CEP83: variants seen among roughly 807,000 people sequenced by gnomAD.
CEP83 encodes centrosomal protein 83, also known as centrosomal protein of 83 kDa.
In CEP83, 70 loss-of-function variants were observed where a neutral mutation model predicts 101.9. That is an observed-to-expected ratio of 0.69 (90% CI 0.57 to 0.84). CEP83 has a LOEUF of 0.84. CEP83 is among the 40% of genes least tolerant of loss of function. CEP83 has a pLI of 0.00. For missense variants in CEP83, 715 were observed against 787.2 expected, an observed-to-expected ratio of 0.91 and a Z score of 1.10; for synonymous variants, 264 against 267.9, an observed-to-expected ratio of 0.99 and a Z score of 0.14.
At position 94,402,088 on chromosome 12, in the gene CEP83, C is replaced by T. The variant is rs116403071; in HGVS notation, c.417+1082G>A. On this transcript the variant is annotated intron_variant, in intron 5 of 16. Coordinates refer to ENST00000397809, the MANE Select transcript of CEP83 (RefSeq NM_016122.3). Reference sequence around the variant, plus strand: ...AAGTATCTAATATACTTGTTATCTGCAGTCTTATCCTGTCCCCTTTATTAA... The same window carrying T: ...AAGTATCTAATATACTTGTTATCTGTAGTCTTATCCTGTCCCCTTTATTAA... 2.3e-3 allele frequency among the ~76,000 whole-genome samples: 351 copies of T among 152,296 alleles called. 1 individual carries two copies. Among genetic ancestry groups the T allele is most frequent in the African/African-American group, 8.3e-3 (343 of 41,550 alleles).
chr12:94,388,411 C>T (rs1384589635), intron 6 of CEP83, among the ~76,000 whole-genome samples: 2 of 151,934 alleles, frequency 1.3e-5, no homozygotes, highest in Non-Finnish European at 2.9e-5. Flanking sequence ...AAGATGGGAA[C>T]AATAGAACTG....
chr12:94,333,302 AG>A (rs768167934), intron 13 of CEP83, among the ~76,000 whole-genome samples, 179 bp downstream of exon 13: 11 of 152,148 alleles, frequency 7.2e-5, no homozygotes, highest in Non-Finnish European at 1.6e-4. Context: ...TTCAAGAGTC[AG>A]TATAGTTCAT....
intron 1 of CEP83, among the ~76,000 whole-genome samples, chr12:94,437,223 G>A (rs1391472937): frequency 6.6e-6 from 1 of 151,778 alleles, no homozygotes; most frequent in African/African-American, 2.4e-5. Context: ...GTGTGGGCCT[G>A]TAGTCCCAGC....
At chr12:94,337,230 T>C (rs1238160430) in intron 11 of CEP83, among the ~76,000 whole-genome samples, 1 of 152,148 alleles carries the variant, frequency 6.6e-6, no homozygotes, top group Non-Finnish European at 1.5e-5. Context: ...AAACCAATGG[T>C]AGAGTATCTG....
At chr12:94,430,191 C>T (rs1451043777) in intron 2 of CEP83, among the ~76,000 whole-genome samples, 1 of 152,060 alleles carries the variant, frequency 6.6e-6, no homozygotes, top group East Asian at 1.9e-4. Flanking sequence ...TTGGGCTCAC[C>T]CACCCAGCTA....
At chr12:94,301,585 G>C (rs1968471868), downstream of CEP83, among the ~76,000 whole-genome samples, 1 of 152,150 alleles carries the variant, frequency 6.6e-6, no homozygotes, top group African/African-American at 2.4e-5. Flanking sequence ...AAAAATCAGA[G>C]CAAACTTCGA....
At chr12:94,354,995 C>T (rs1350454691) in intron 11 of CEP83, among the ~76,000 whole-genome samples, 4 of 149,962 alleles carry the variant, frequency 2.7e-5, no homozygotes, top group South Asian at 2.1e-4. Flanking sequence ...AGTGAGACTC[C>T]GTCTCAAAAA....
chr12:94,457,035 T>C (rs1039063500), intron 1 of CEP83, among the ~76,000 whole-genome samples: 1 of 152,102 alleles, frequency 6.6e-6, no homozygotes, highest in Non-Finnish European at 1.5e-5. Flanking sequence ...TTGAACCTTA[T>C]AGAAAAGGTA....
the CEP83 span, among the ~76,000 whole-genome samples, chr12:94,271,500 G>T: frequency 6.6e-6 from 1 of 152,246 alleles, no homozygotes; most frequent in Non-Finnish European, 1.5e-5. Flanking sequence ...AAAGGGGAAT[G>T]CAGTTACATG....
chr12:94,303,694 T>C, downstream of CEP83: 1 of 135,732 alleles, frequency 7.4e-6, no homozygotes. Flanking sequence ...TTCCTCCATC[T>C]TTTTTTTTTT....
chr12:94,283,087 C>T, the CEP83 span, among the ~76,000 whole-genome samples: 1 of 152,176 alleles, frequency 6.6e-6, no homozygotes, highest in South Asian at 2.1e-4. Flanking sequence ...AGAGCTGGGG[C>T]TGCATGGGAG....
Position 94,435,120 on chromosome 12 carries a change from C to T in CEP83, c.-102+155G>A, listed in dbSNP as rs558252329. 9.8e-5 allele frequency among the ~76,000 whole-genome samples: 15 copies of T among 152,314 alleles called. No individual in the cohort carries two copies. In the South Asian group the frequency reaches 3.1e-3, roughly 32 times the overall value. ...TTTATCTGAATGACACTGAAATTTG[C>T]ACCCTAGTTCCTAACCTCTCTCTGC... On this transcript the variant is annotated intron_variant, in intron 2 of 16. Coordinates refer to ENST00000397809, the MANE Select transcript of CEP83 (RefSeq NM_016122.3).
chr12:94,395,631 G>A (rs761812888), intron 6 of CEP83, among the ~76,000 whole-genome samples: 1 of 152,116 alleles, frequency 6.6e-6, no homozygotes, highest in Non-Finnish European at 1.5e-5. Flanking sequence ...AGACCATCCT[G>A]CCTAACACAG....
the CEP83 span, among the ~76,000 whole-genome samples, chr12:94,272,889 G>A: frequency 2.0e-5 from 3 of 152,194 alleles, no homozygotes; most frequent in African/African-American, 7.2e-5. Context: ...CTACCAGATC[G>A]CCTATGTCCA....
At chr12:94,446,519 C>T (rs1308099817) in intron 1 of CEP83, among the ~76,000 whole-genome samples, 30 of 151,932 alleles carry the variant, frequency 2.0e-4, no homozygotes, top group Admixed American at 2.0e-3. Flanking sequence ...ACCATCCTGG[C>T]CAACAGGGTG....
rs908155361 is a variant in CEP83 at position 94,424,956 on chromosome 12, C to T, written c.-102+10319G>A. 5.9e-6 allele frequency: 9 copies of T among 1,527,028 alleles called. No homozygotes were observed. In the African/African-American group the frequency reaches 7.1e-5, roughly 12 times the overall value. 94.6% of individuals were successfully genotyped at this position (1,527,028 alleles called of 1,614,324 possible). On this transcript the variant is annotated intron_variant, in intron 2 of 16. Coordinates refer to ENST00000397809, the MANE Select transcript of CEP83 (RefSeq NM_016122.3). ...GTAGAAATCCCGGGCCTGGAAGTCA[C>T]GGATAGCAGCATTTTCTCTTTAATG...
At chr12:94,313,294 G>A (rs1258272846) in intron 14 of CEP83, 2 of 221,580 alleles carry the variant, frequency 9.0e-6, no homozygotes, top group Non-Finnish European at 1.8e-5. Context: ...CAAAGGGAAG[G>A]AGTCAAATTT....
At chr12:94,434,776 T>C (rs751560981) in intron 2 of CEP83, among the ~76,000 whole-genome samples, 2 of 152,254 alleles carry the variant, frequency 1.3e-5, no homozygotes, top group Non-Finnish European at 2.9e-5. Context: ...ACCTTATACA[T>C]ACACATAGCC....
chr12:94,412,442 G>A lies in CEP83; in HGVS notation c.49C>T (p.Pro17Ser), dbSNP rs867235531. 1 of 1,612,356 alleles carries A rather than the reference G, an allele frequency of 6.2e-7. No homozygotes were observed. Among genetic ancestry groups the A allele is most frequent in the Non-Finnish European group, 8.5e-7 (1 of 1,179,312 alleles). ...TDMDTFPNNFPPGGDSGLTGS... is the reference protein window; with the variant it reads ...TDMDTFPNNFSPGGDSGLTGS... ...GTCAATCCACTGTCTCCACCAGGAG[G>A]AAAATTATTGGGAAAAGTGTCCATA... Residue 17 changes from proline to serine, a missense_variant, in exon 3 of 17, where the codon CCT becomes TCT. Transcript: ENST00000397809.
Sources: gnomAD v4.1 joint callset for allele counts (sites outside exome capture counted in the v4.1 genomes callset) on GRCh38, gnomAD v4.1.1 for gene constraint, MANE v1.5 for transcripts, NCBI Gene and HGNC (gene_info 2026-07-23, HGNC 2026-07-21) for gene names.